The following ZC3H14 variants were observed in gnomAD, a reference collection of about 807,000 sequenced individuals.
ZC3H14 encodes zinc finger CCCH-type containing 14.
ZC3H14 carries 31 observed loss-of-function variants against 92.4 expected under a neutral mutation model. That is an observed-to-expected ratio of 0.34 (90% CI 0.25 to 0.45). The LOEUF (loss-of-function observed/expected upper bound fraction) is 0.45. Among genes scored for constraint, ZC3H14 ranks in the 20% least tolerant of loss-of-function variants. The pLI is 1.00. For synonymous variants in ZC3H14, 321 were observed against 300.9 expected, an observed-to-expected ratio of 1.07 and a Z score of -0.69; for missense variants, 781 against 897.3, an observed-to-expected ratio of 0.87 and a Z score of 1.66.
chr14:88,583,109 C>G (rs1161352004), intron 9 of ZC3H14, among the ~76,000 whole-genome samples: 4 of 109,612 alleles, frequency 3.6e-5, no homozygotes, highest in Admixed American at 1.8e-4. Flanking sequence ...TTTTTGTTTT[C>G]TATTTCATTG....
rs2088930727 is a variant in ZC3H14 at position 88,621,508 on chromosome 14, T to TA, written c.*9758dup. 5.0e-6 allele frequency: 3 copies of TA among 596,192 alleles called. No homozygotes were observed. The highest frequency in any genetic ancestry group is 8.9e-6 in the Non-Finnish European group (3 of 337,664). The allele number at this position is 596,192 out of a possible 1,614,324, so 36.9% of individuals were successfully genotyped here. A position where few individuals can be genotyped will look rare whatever the true frequency, so the allele number is the denominator to read the frequency against. On this transcript the variant is annotated 3_prime_UTR_variant, in exon 17 of 17. Coordinates refer to ENST00000251038, the MANE Select transcript of ZC3H14 (RefSeq NM_024824.5). ...AAGCACAATGGGCTAGATTACATAT[T>TA]AGAGTCCATGCTACAGAATAGAACT...
chr14:88,593,461 C>T lies in ZC3H14; in HGVS notation c.1280-3273C>T, dbSNP rs146375534. On this transcript the variant is annotated intron_variant, in intron 9 of 16. Transcript: ENST00000251038. ...GAGTAACGTTGGCAAGGTTATGTTG[C>T]TTGATTTCAAAACTTACTACAAAGC... 1.6e-3 allele frequency among the ~76,000 whole-genome samples: 241 copies of T among 152,276 alleles called. 1 individual carries two copies. The highest frequency in any genetic ancestry group is 5.6e-3 in the African/African-American group (234 of 41,556).
chr14:88,577,758 C>T (rs1369353565), intron 8 of ZC3H14, among the ~76,000 whole-genome samples: 8 of 151,948 alleles, frequency 5.3e-5, no homozygotes, highest in East Asian at 3.9e-4. Flanking sequence ...TTAGTAGAAA[C>T]GAGGTTTTAC....
chr14:88,565,068 C>T (rs748190424), intron 2 of ZC3H14, among the ~76,000 whole-genome samples: 2 of 152,102 alleles, frequency 1.3e-5, no homozygotes, highest in African/African-American at 2.4e-5. Flanking sequence ...CTGAGCCTGC[C>T]TCCATGAATT....
intron 9 of ZC3H14, among the ~76,000 whole-genome samples, chr14:88,583,485 A>G (rs1461410406): frequency 1.3e-5 from 2 of 152,184 alleles, no homozygotes; most frequent in East Asian, 1.9e-4. Flanking sequence ...TTCTTCTCAA[A>G]TGTAAGCATT....
chr14:88,592,620 C>T (rs1323915156), intron 9 of ZC3H14, among the ~76,000 whole-genome samples: 1 of 151,486 alleles, frequency 6.6e-6, no homozygotes. Context: ...CATGCCTCAG[C>T]CTCCCGAGTA....
Position 88,574,795 on chromosome 14 carries a change from G to A in ZC3H14, c.964G>A (p.Gly322Arg), listed in dbSNP as rs745810316. ...AGAGGAGGAAGAAGATGATGATTAC[G>A]GGTCTCGAACAGGAAGCATCTCCAG... is the stretch of plus-strand genomic sequence containing the variant. ...GEEEEEDDDY[G>R]SRTGSISSSV... Residue 322 changes from glycine (G) to arginine (R), a missense_variant, in exon 7 of 17, where the codon GGG becomes AGG. By Grantham distance (125) the Gly-to-Arg change is moderately radical. Around this residue, in one of 3 missense-constraint regions of ZC3H14, gnomAD observed 454 missense variants for 438.5 expected, o/e 1.04. Coordinates refer to ENST00000251038, the MANE Select transcript of ZC3H14 (RefSeq NM_024824.5). 50 of 1,614,010 alleles carry A rather than the reference G, an allele frequency of 3.1e-5. No homozygotes were observed. The highest frequency in any genetic ancestry group is 1.7e-4 in the Admixed American group (10 of 59,998).
intron 2 of ZC3H14, among the ~76,000 whole-genome samples, chr14:88,565,213 C>G (rs934529488): frequency 6.6e-6 from 1 of 152,136 alleles, no homozygotes; most frequent in South Asian, 2.1e-4. Flanking sequence ...GTGATCTTGG[C>G]TCACTGCAAG....
Position 88,594,686 on chromosome 14 carries a change from G to C in ZC3H14, c.1280-2048G>C, listed in dbSNP as rs373318846. On this transcript the variant is annotated intron_variant, in intron 9 of 16. Transcript: ENST00000251038. Reference sequence around the variant, plus strand: ...GAAAAAATTATCAGATTTTAAGGGAGAGAATTTTATGAAAATGTCTTTGAG... The same window carrying C: ...GAAAAAATTATCAGATTTTAAGGGACAGAATTTTATGAAAATGTCTTTGAG... The C allele has an allele frequency of 3.5e-5, 57 of 1,613,150 alleles. No homozygotes were observed. In the African/African-American group the frequency reaches 6.8e-4, roughly 19 times the overall value.
chr14:88,586,704 C>T (rs1434695938), intron 9 of ZC3H14: 1 of 151,790 alleles, frequency 6.6e-6, no homozygotes, highest in East Asian at 1.9e-4. Context: ...GGAAGCATCC[C>T]ATATATTTGA....
In ZC3H14 at chr14:88,614,467, G is replaced by C. The variant is rs2087290504; in HGVS notation, c.*2716G>C. ...TAGTATTAACCAAGTATTAGACACA[G>C]AAAATAGGTATTAAGAATCTTCATA... On this transcript the variant is annotated 3_prime_UTR_variant, in exon 17 of 17. Coordinates refer to ENST00000251038, the MANE Select transcript of ZC3H14 (RefSeq NM_024824.5). 1 of 152,118 alleles carries C rather than the reference G, an allele frequency of 6.6e-6. No homozygotes were observed. Among genetic ancestry groups the C allele is most frequent in the Admixed American group, 6.5e-5 (1 of 15,272 alleles). 9.4% of individuals were successfully genotyped at this position (152,118 alleles called of 1,614,324 possible).
rs1441912808 is a variant in ZC3H14 at position 88,625,250 on chromosome 14, G to A, written c.*13499G>A. On this transcript the variant is annotated 3_prime_UTR_variant, in exon 17 of 17. Transcript: ENST00000251038. ...TGATACAAAGAGCATGCATCGTGTAGTGGCAGCAGCACTGAATTCACGAGT... is the reference window on the plus strand; with the variant it reads ...TGATACAAAGAGCATGCATCGTGTAATGGCAGCAGCACTGAATTCACGAGT... 8.7e-7 allele frequency: 1 copy of A among 1,151,706 alleles called. No homozygotes were observed. Among genetic ancestry groups the A allele is most frequent in the Non-Finnish European group, 1.2e-6 (1 of 828,644 alleles). The allele number at this position is 1,151,706 out of a possible 1,614,324, so 71.3% of individuals were successfully genotyped here. A position where few individuals can be genotyped will look rare whatever the true frequency, so the allele number is the denominator to read the frequency against.
At chr14:88,597,430 C>G (rs2083989969) in intron 10 of ZC3H14, among the ~76,000 whole-genome samples, 1 of 152,178 alleles carries the variant, frequency 6.6e-6, no homozygotes, top group South Asian at 2.1e-4. Flanking sequence ...CATGAGAGAC[C>G]CGGAATCATC....
Position 88,598,286 on chromosome 14 carries a change from G to A in ZC3H14, c.1354+1478G>A, listed in dbSNP as rs181063438. Among the ~76,000 whole-genome samples the A allele has an allele frequency of 3.3e-3, 497 of 152,230 alleles. 3 individuals are homozygous for A. Among genetic ancestry groups the A allele is most frequent in the Middle Eastern group, 6.8e-3 (2 of 294 alleles). On this transcript the variant is annotated intron_variant, in intron 10 of 16. Coordinates refer to ENST00000251038, the MANE Select transcript of ZC3H14 (RefSeq NM_024824.5). ...GAAAGTGATTTGTCCTGCCTGTCTG[G>A]TTTGTGGGCACCCTGATGTCACTGC...
intron 9 of ZC3H14, chr14:88,586,882 G>T (rs1040913763): frequency 6.6e-6 from 1 of 151,988 alleles, no homozygotes; most frequent in African/African-American, 2.4e-5. Flanking sequence ...GTCCCACTCC[G>T]CAGAATCCCC....
chr14:88,605,413 C>T (rs2085237756), intron 12 of ZC3H14, among the ~76,000 whole-genome samples: 1 of 152,148 alleles, frequency 6.6e-6, no homozygotes, highest in Non-Finnish European at 1.5e-5. Context: ...CTCACTGCAG[C>T]CTCCACCTCC....
chr14:88,626,822 A>G lies in ZC3H14; in HGVS notation c.*15071A>G. The G allele has an allele frequency of 6.2e-7, 1 of 1,613,156 alleles. No homozygotes were observed. Among genetic ancestry groups the G allele is most frequent in the Non-Finnish European group, 8.5e-7 (1 of 1,179,530 alleles). Reference sequence around the variant, plus strand: ...AAGTAGTCAAAGTCACACTATGTGCATTTTAAGAGACATACTGCACCAAAT... The same window carrying G: ...AAGTAGTCAAAGTCACACTATGTGCGTTTTAAGAGACATACTGCACCAAAT... On this transcript the variant is annotated 3_prime_UTR_variant, in exon 17 of 17. Transcript: ENST00000251038.
rs2087625619 is a variant in ZC3H14, at chr14:88,616,427, A to G, written c.*4676A>G. On this transcript the variant is annotated 3_prime_UTR_variant, in exon 17 of 17. Transcript: ENST00000251038. ...GCAAAACCAGGCTGTGTGGGCAGTC[A>G]GATGTCTCCAGGTACTCTGACCATT... is the stretch of plus-strand genomic sequence containing the variant. The G allele has an allele frequency of 3.1e-6, 2 of 638,714 alleles. No homozygotes were observed. Among genetic ancestry groups the G allele is most frequent in the Non-Finnish European group, 5.4e-6 (2 of 369,298 alleles). 39.6% of individuals were successfully genotyped at this position (638,714 alleles called of 1,614,324 possible).
At chr14:88,593,892 A>G (rs2083460080) in intron 9 of ZC3H14, among the ~76,000 whole-genome samples, 1 of 17,146 alleles carries the variant, frequency 5.8e-5, no homozygotes, top group African/African-American at 7.8e-5. Context: ...AAAAGATACT[A>G]TCAAAAAAAA....
Sources: gnomAD v4.1 joint callset for allele counts (sites outside exome capture counted in the v4.1 genomes callset) on GRCh38, gnomAD v4.1.1 for gene constraint, gnomAD v4.1.1 regional missense constraint, MANE v1.5 for transcripts, NCBI Gene and HGNC (gene_info 2026-07-23, HGNC 2026-07-21) for gene names.